The following KRT9 variants were observed in gnomAD, a reference collection of about 807,000 sequenced individuals.
KRT9 encodes keratin 9.
Under a neutral mutation model 51.4 loss-of-function variants are expected in KRT9, and 34 were observed. That is an observed-to-expected ratio of 0.66 (90% CI 0.50 to 0.88). The LOEUF (loss-of-function observed/expected upper bound fraction) is 0.88, where lower values mean the gene tolerates loss of function less well. Among genes scored for constraint, KRT9 ranks in the 40% least tolerant of loss-of-function variants. KRT9 has a pLI of 0.00. For synonymous variants in KRT9, 292 were observed against 289.7 expected, an observed-to-expected ratio of 1.01 and a Z score of -0.08; for missense variants, 753 against 790.3, an observed-to-expected ratio of 0.95 and a Z score of 0.57.
intron 1 of KRT9, among the ~76,000 whole-genome samples, chr17:41,570,826 A>C (rs1185373547): frequency 1.3e-5 from 2 of 152,168 alleles, no homozygotes; most frequent in African/African-American, 4.8e-5. Flanking sequence ...CACTGAACTG[A>C]GTGGCTGAAT....
Position 41,570,127 on chromosome 17 carries a change from G to A in KRT9, c.725+11C>T. On this transcript the variant is annotated intron_variant, in intron 2 of 7. Coordinates refer to ENST00000246662, the MANE Select transcript of KRT9 (RefSeq NM_000226.4). ...CTGATGACAGGAGAGGAGAAGAGGA[G>A]CAGGACTCACTTTATCCTGAAGTCA... is the stretch of plus-strand genomic sequence containing the variant. The A allele has an allele frequency of 1.9e-6, 3 of 1,613,636 alleles. No homozygotes were observed. Among genetic ancestry groups the A allele is most frequent in the East Asian group, 2.2e-5 (1 of 44,890 alleles).
intron 2 of KRT9, 38 bp from the exon 3 acceptor site, chr17:41,570,053 AACCAGGCCCT>A: frequency 6.2e-7 from 1 of 1,614,068 alleles, no homozygotes; most frequent in Non-Finnish European, 8.5e-7. Flanking sequence ...ATCAAGAGGG[AACCAGGCCCT>A]ACCAGGACCT....
At chr17:41,570,114 G>C in intron 2 of KRT9, 24 bp downstream of exon 2, 4 of 1,612,162 alleles carry the variant, frequency 2.5e-6, no homozygotes, top group Non-Finnish European at 3.4e-6. Flanking sequence ...GATGACAGGA[G>C]AGGAGAAGAG....
At chr17:41,568,824 C>G (rs1483452160) in intron 4 of KRT9, among the ~76,000 whole-genome samples, 191 bp from the exon 5 acceptor site, 1 of 152,120 alleles carries the variant, frequency 6.6e-6, no homozygotes, top group Non-Finnish European at 1.5e-5. Flanking sequence ...CATTCCCTCT[C>G]AACAAAGTTG....
chr17:41,567,140 A>G, intron 7 of KRT9, 93 bp downstream of exon 7: 1 of 1,573,984 alleles, frequency 6.4e-7, no homozygotes, highest in Non-Finnish European at 8.6e-7. Context: ...AGCTCTATTC[A>G]GAATCTGTGT....
intron 7 of KRT9, among the ~76,000 whole-genome samples, chr17:41,566,381 G>A (rs1020914327): frequency 1.3e-5 from 2 of 152,158 alleles, no homozygotes; most frequent in African/African-American, 4.8e-5. Context: ...CAAGTCTGAG[G>A]ATGGGGGGCT....
Position 41,568,365 on chromosome 17 carries a change from G to A in KRT9, c.1191C>T (p.Ser397=). Residue 397 remains serine (S), a synonymous_variant, in exon 6 of 8, where the codon AGC becomes AGT. Transcript: ENST00000246662. ...QLSKKAALEK[S]LEDTKNRYCG... ...AGTAGCGGTTCTTCGTGTCTTCCAA[G>A]CTCTTCTCCAGAGCTGCTTTCTAAG... The A allele has an allele frequency of 6.2e-7, 1 of 1,614,190 alleles. No individual in the cohort carries two copies. Among genetic ancestry groups the A allele is most frequent in the South Asian group, 1.1e-5 (1 of 91,082 alleles).
chr17:41,569,680 G>A lies in KRT9; in HGVS notation c.883-93C>T, dbSNP rs895500628. 6 of 1,557,162 alleles carry A rather than the reference G, an allele frequency of 3.9e-6. No homozygotes were observed. In the Admixed American group the frequency reaches 6.7e-5, roughly 17 times the overall value. On this transcript the variant is annotated intron_variant, in intron 3 of 7. Coordinates refer to ENST00000246662, the MANE Select transcript of KRT9 (RefSeq NM_000226.4). The stretch of plus-strand genomic sequence containing the variant: ...TCTGGTCCCCCCAGGGTACAAAAAG[G>A]GGACACAGTTGTGAAGCCAAAGCCC...
chr17:41,569,791 G>T, intron 3 of KRT9, 68 bp downstream of exon 3: 1 of 1,591,580 alleles, frequency 6.3e-7, no homozygotes, highest in South Asian at 1.1e-5. Context: ...ATGTTCCAAA[G>T]CTCCCCTGCT....
Position 41,570,614 on chromosome 17 carries a change from G to A in KRT9, c.643-394C>T, listed in dbSNP as rs149184164. 8.2e-3 allele frequency among the ~76,000 whole-genome samples: 1,252 copies of A among 152,324 alleles called. 18 individuals carry two copies. The highest frequency in any genetic ancestry group is 0.014 in the Middle Eastern group (4 of 294). On this transcript the variant is annotated intron_variant, in intron 1 of 7. Coordinates refer to ENST00000246662, the MANE Select transcript of KRT9 (RefSeq NM_000226.4). Reference sequence around the variant, plus strand: ...GAAGGAGGTGGCTGGCAATTGAATTGGGCCCTGAAGGATGGCTAAGATGTA... The same window carrying A: ...GAAGGAGGTGGCTGGCAATTGAATTAGGCCCTGAAGGATGGCTAAGATGTA...
At chr17:41,570,324 T>C in intron 1 of KRT9, 104 bp from the exon 2 acceptor site, 1 of 967,272 alleles carries the variant, frequency 1.0e-6, no homozygotes, top group Non-Finnish European at 1.7e-6. Context: ...TCCAGGAAGA[T>C]TCTCAAGAGG....
rs1289830787 is a variant in KRT9, at chr17:41,569,584, T to TC, written c.885dup (p.Met296AspfsTer30). 1 of 1,613,692 alleles carries TC rather than the reference T, an allele frequency of 6.2e-7. No homozygotes were observed. The highest frequency in any genetic ancestry group is 1.3e-5 in the African/African-American group (1 of 75,010). On this transcript the variant is annotated frameshift_variant, in exon 4 of 8. Transcript: ENST00000246662. LOFTEE classifies it high-confidence loss of function. ...CTGTTCTGCCCAGTCAGCTGACTCA[T>TC]CTCCTGCCAGGGAAGAAGGGGAGAT...
chr17:41,568,565 G>A lies in KRT9; in HGVS notation c.1113C>T (p.Thr371=), dbSNP rs1906960325. The part of the protein sequence containing the change: ...QEVQSSAKEV[T]QLRHGVQELE... ...ACTCCTGGACACCGTGCCGGAGCTG[G>A]GTCACCTCCTTGGCACTGGACTGCA... is the stretch of plus-strand genomic sequence containing the variant. Residue 371 remains threonine (T), a synonymous_variant, in exon 5 of 8, where the codon ACC becomes ACT. Transcript: ENST00000246662. The A allele has an allele frequency of 6.2e-7, 1 of 1,614,096 alleles. No homozygotes were observed. Among genetic ancestry groups the A allele is most frequent in the Non-Finnish European group, 8.5e-7 (1 of 1,180,008 alleles).
rs377350767 is a variant in KRT9, at chr17:41,569,416, C to T, written c.1044+10G>A. ...GGGAGGAGGATGAATGGGCAGCCCACTCTGCTCACCTGAGTCTCATATTGA... is the reference window on the plus strand; with the variant it reads ...GGGAGGAGGATGAATGGGCAGCCCATTCTGCTCACCTGAGTCTCATATTGA... On this transcript the variant is annotated intron_variant, in intron 4 of 7. Coordinates refer to ENST00000246662, the MANE Select transcript of KRT9 (RefSeq NM_000226.4). 1 of 1,613,302 alleles carries T rather than the reference C, an allele frequency of 6.2e-7. No homozygotes were observed. Among genetic ancestry groups the T allele is most frequent in the African/African-American group, 1.3e-5 (1 of 74,874 alleles).
intron 7 of KRT9, among the ~76,000 whole-genome samples, chr17:41,566,693 G>T (rs1010807404): frequency 5.3e-5 from 8 of 152,232 alleles, no homozygotes; most frequent in African/African-American, 1.9e-4. Context: ...TCACCTGTGT[G>T]AGCCTTTCTT....
At chr17:41,568,030 G>T in intron 6 of KRT9, 132 bp downstream of exon 6, 2 of 968,456 alleles carry the variant, frequency 2.1e-6, no homozygotes, top group Non-Finnish European at 1.5e-6. Flanking sequence ...CCGGCCCCCA[G>T]GATGAAGAAG....
chr17:41,570,163 T>C lies in KRT9; in HGVS notation c.700A>G (p.Met234Val), dbSNP rs1326831412. The change falls in exon 2 of 8, where the codon ATG becomes GTG. Residue 234 changes from methionine to valine, a missense_variant. By Grantham distance (21) the Met-to-Val change is conservative. Transcript: ENST00000246662. The stretch of plus-strand genomic sequence containing the variant: ...TTTATCCTGAAGTCATCCAGTGTCA[T>C]GCGAGTGTTGTCAATGTCCAGGAGA... The part of the protein sequence containing the change: ...KTLLDIDNTR[M>V]TLDDFRIKFE... 6.2e-7 allele frequency: 1 copy of C among 1,614,044 alleles called. No individual in the cohort carries two copies. Among genetic ancestry groups the C allele is most frequent in the Non-Finnish European group, 8.5e-7 (1 of 1,180,012 alleles).
In KRT9 at chr17:41,567,801, T is replaced by C. The variant is rs1353610661; in HGVS notation, c.1395-51A>G. The C allele has an allele frequency of 1.9e-6, 3 of 1,611,136 alleles. No individual in the cohort carries two copies. In the Admixed American group the frequency reaches 5.0e-5, roughly 27 times the overall value. Reference sequence around the variant, plus strand: ...TTAAAATGAGCGGCCCCCATACACATATATGAGGATGGACCTGGACAGAGT... The same window carrying C: ...TTAAAATGAGCGGCCCCCATACACACATATGAGGATGGACCTGGACAGAGT... On this transcript the variant is annotated intron_variant, in intron 6 of 7. Transcript: ENST00000246662.
Position 41,568,358 on chromosome 17 carries a change from C to G in KRT9, c.1198G>C (p.Asp400His). Reference sequence around the variant, plus strand: ...TGGCCACAGTAGCGGTTCTTCGTGTCTTCCAAGCTCTTCTCCAGAGCTGCT... The same window carrying G: ...TGGCCACAGTAGCGGTTCTTCGTGTGTTCCAAGCTCTTCTCCAGAGCTGCT... ...KKAALEKSLE[D>H]TKNRYCGQLQ... Residue 400 changes from aspartate (D) to histidine (H), a missense_variant, in exon 6 of 8, where the codon GAC (aspartate) becomes CAC (histidine). Around this residue, in one of 3 missense-constraint regions of KRT9, gnomAD observed 507 missense variants for 563.7 expected, o/e 0.90. Transcript: ENST00000246662. 6.2e-7 allele frequency: 1 copy of G among 1,614,196 alleles called. No individual in the cohort carries two copies. Among genetic ancestry groups the G allele is most frequent in the Non-Finnish European group, 8.5e-7 (1 of 1,180,048 alleles).
Sources: allele counts gnomAD v4.1 joint callset (sites outside exome capture counted in the v4.1 genomes callset), GRCh38; gene constraint gnomAD v4.1.1; regional missense constraint gnomAD v4.1.1; transcripts MANE v1.5; gene names NCBI Gene and HGNC (gene_info 2026-07-23, HGNC 2026-07-21).